The following ANK3 variants were observed in gnomAD, a reference collection of about 807,000 sequenced individuals.
ANK3 encodes the protein ankyrin 3, also known as ankyrin-3.
A neutral mutation model predicts 370.9 loss-of-function variants in ANK3; 57 were observed. The observed-to-expected ratio is 0.15, with a 90% confidence interval of 0.12 to 0.19. The LOEUF (loss-of-function observed/expected upper bound fraction) is 0.19. ANK3 is among the 10% of genes least tolerant of loss of function. ANK3 has a pLI of 1.00. For missense variants in ANK3, 4,439 were observed against 5,302.1 expected, an observed-to-expected ratio of 0.84 and a Z score of 5.06; for synonymous variants, 1,929 against 1,946.3, an observed-to-expected ratio of 0.99 and a Z score of 0.23.
chr10:60,167,114 G>A (rs531876681), intron 21 of ANK3, among the ~76,000 whole-genome samples: 3 of 152,236 alleles, frequency 2.0e-5, no homozygotes, highest in Admixed American at 1.3e-4. Context: ...AATTCTAGTG[G>A]CAAAGTACCA....
chr10:60,306,447 A>ATATC (rs769126230), intron 1 of ANK3, among the ~76,000 whole-genome samples: 2 of 105,986 alleles, frequency 1.9e-5, no homozygotes, highest in Admixed American at 2.1e-4. Flanking sequence ...ATATATATAT[A>ATATC]TATATATCTA....
chr10:60,512,069 C>T (rs1433186956), intron 2 of ANK3, among the ~76,000 whole-genome samples: 1 of 152,012 alleles, frequency 6.6e-6, no homozygotes, highest in African/African-American at 2.4e-5. Flanking sequence ...AGGCACACAT[C>T]ACATGTTTCC....
chr10:60,318,006 T>C lies in ANK3; in HGVS notation c.115-38367A>G, dbSNP rs1469116117. On this transcript the variant is annotated intron_variant, in intron 1 of 43. Transcript: ENST00000280772. ...GAATTTTGACATATTCATAAGATTA[T>C]AAAAAAAATACACAAATGCTCCAAA... Among the ~76,000 whole-genome samples, 8 of 151,914 alleles carry C rather than the reference T, an allele frequency of 5.3e-5. No homozygotes were observed. The South Asian group carries it at 8.3e-4, about 16-fold the overall frequency.
At chr10:60,220,752 T>C (rs2097035468) in intron 8 of ANK3, among the ~76,000 whole-genome samples, 1 of 152,138 alleles carries the variant, frequency 6.6e-6, no homozygotes, top group Admixed American at 6.5e-5. Flanking sequence ...AACCAAGCTG[T>C]ACCCGAACCA....
At chr10:60,733,345 T>C (rs1219512500) in exon 1 of ANK3, 10 of 1,232,820 alleles carry the variant, frequency 8.1e-6, no homozygotes, top group East Asian at 3.2e-5. Flanking sequence ...CTGCTGCTCC[T>C]TCCAGGAACT....
At chr10:60,251,429 A>G (rs2097663585) in intron 7 of ANK3, among the ~76,000 whole-genome samples, 1 of 152,136 alleles carries the variant, frequency 6.6e-6, no homozygotes, top group South Asian at 2.1e-4. Context: ...TGGGTGCATC[A>G]CTGGCCTTTC....
intron 43 of ANK3, among the ~76,000 whole-genome samples, chr10:60,039,727 G>GA (rs2075769894): frequency 6.6e-6 from 1 of 152,042 alleles, no homozygotes; most frequent in Non-Finnish European, 1.5e-5. Context: ...GGGGTTGGGG[G>GA]ATAGTTGTAT....
At chr10:60,305,896 G>A (rs767774969) in intron 1 of ANK3, among the ~76,000 whole-genome samples, 2 of 152,130 alleles carry the variant, frequency 1.3e-5, no homozygotes, top group African/African-American at 4.8e-5. Flanking sequence ...TGAAAGTGCC[G>A]CTTTCACAGT....
intron 25 of ANK3, among the ~76,000 whole-genome samples, chr10:60,123,078 T>A (rs1225742556): frequency 1.3e-5 from 2 of 152,084 alleles, no homozygotes; most frequent in Non-Finnish European, 2.9e-5. Flanking sequence ...ATTTGACAGA[T>A]GAGGAAAATG....
At chr10:60,336,094 G>GGC (rs997315690) in intron 1 of ANK3, among the ~76,000 whole-genome samples, 1 of 151,938 alleles carries the variant, frequency 6.6e-6, no homozygotes, top group African/African-American at 2.4e-5. Flanking sequence ...GTTTGGCGGG[G>GGC]GGGGGAAGCT....
At chr10:60,203,273 A>T (rs1165136779) in intron 11 of ANK3, among the ~76,000 whole-genome samples, 173 bp from the exon 12 acceptor site, 1 of 152,270 alleles carries the variant, frequency 6.6e-6, no homozygotes, top group Non-Finnish European at 1.5e-5. Context: ...ATATATAAAC[A>T]TATAATCATC....
At chr10:60,513,963 C>T (rs564445101) in intron 2 of ANK3, among the ~76,000 whole-genome samples, 1 of 152,238 alleles carries the variant, frequency 6.6e-6, no homozygotes, top group South Asian at 2.1e-4. Context: ...GCCTTTGCTG[C>T]CCTTGAGACA....
intron 23 of ANK3, among the ~76,000 whole-genome samples, chr10:60,155,873 T>A (rs1565356700): frequency 6.6e-6 from 1 of 152,210 alleles, no homozygotes; most frequent in Non-Finnish European, 1.5e-5. Context: ...CACCAGTGAT[T>A]TGCCAGGGGC....
In ANK3 at chr10:60,479,812, A is replaced by G. The variant is rs183693218; in HGVS notation, c.96+135374T>C. On this transcript the variant is annotated intron_variant, in intron 2 of 43. Coordinates refer to the ANK3 transcript ENST00000373827. ...TCTCCATGAAGCCTCATACACAGCC[A>G]AAATTAACCTCCAGAATTTCACAAC... is the stretch of plus-strand genomic sequence containing the variant. Among the ~76,000 whole-genome samples the G allele has an allele frequency of 2.6e-3, 394 of 152,274 alleles. 2 individuals are homozygous for G. Among genetic ancestry groups the G allele is most frequent in the South Asian group, 6.2e-3 (30 of 4,818 alleles).
intron 2 of ANK3, among the ~76,000 whole-genome samples, chr10:60,432,011 T>C (rs2064037361): frequency 6.6e-6 from 1 of 152,082 alleles, no homozygotes; most frequent in Admixed American, 6.5e-5. Flanking sequence ...TTCCAAACAT[T>C]CAAAGAAGCC....
At chr10:60,041,481 G>A (rs2393580) in intron 43 of ANK3, among the ~76,000 whole-genome samples, 108,979 of 152,088 alleles carry the variant, frequency 0.72, 39,139 homozygotes, top group East Asian at 0.79. Context: ...GTGAGCGTGG[G>A]CAATTTATTT....
intron 1 of ANK3, among the ~76,000 whole-genome samples, chr10:60,348,857 T>A (rs1407371359): frequency 2.0e-5 from 3 of 152,128 alleles, no homozygotes; most frequent in Non-Finnish European, 4.4e-5. Context: ...CATGATAAGG[T>A]CTCCATAATT....
chr10:60,593,293 G>A (rs1039661677), intron 2 of ANK3, among the ~76,000 whole-genome samples: 6 of 152,134 alleles, frequency 3.9e-5, no homozygotes, highest in African/African-American at 9.7e-5. Flanking sequence ...AAGACATTCT[G>A]TGCCTGTCCT....
chr10:60,702,520 T>C (rs995169566), intron 1 of ANK3, among the ~76,000 whole-genome samples: 7 of 152,140 alleles, frequency 4.6e-5, no homozygotes, highest in African/African-American at 1.7e-4. Flanking sequence ...GTGTTACTAT[T>C]CTTTGGGTCC....
Sources: gnomAD v4.1 joint callset for allele counts (sites outside exome capture counted in the v4.1 genomes callset) on GRCh38, gnomAD v4.1.1 for gene constraint, MANE v1.5 for transcripts, NCBI Gene and HGNC (gene_info 2026-07-23, HGNC 2026-07-21) for gene names.